RNF220: variants seen among roughly 807,000 people sequenced by gnomAD.
RNF220 encodes the protein E3 ubiquitin-protein ligase RNF220.
Under a neutral mutation model 67.1 loss-of-function variants are expected in RNF220, and 7 were observed. That is an observed-to-expected ratio of 0.10 (90% CI 0.06 to 0.20). RNF220 has a LOEUF of 0.20. Ranked by LOEUF, RNF220 falls within the 10% of genes least tolerant of loss-of-function variation. The probability of loss-of-function intolerance (pLI) is 1.00; values close to 1 mark genes in which losing one functional copy is unlikely to be tolerated. For missense variants in RNF220, 565 were observed against 740.3 expected, an observed-to-expected ratio of 0.76 and a Z score of 2.75; for synonymous variants, 270 against 283.2, an observed-to-expected ratio of 0.95 and a Z score of 0.47.
At chr1:44,427,812 A>G (rs770798139) in intron 2 of RNF220, among the ~76,000 whole-genome samples, 4 of 152,250 alleles carry the variant, frequency 2.6e-5, no homozygotes, top group Non-Finnish European at 5.9e-5. Context: ...TCCTAGGAAC[A>G]GTGCCTCGCA....
intron 2 of RNF220, among the ~76,000 whole-genome samples, chr1:44,588,428 C>T (rs369496558): frequency 3.7e-4 from 56 of 152,324 alleles, no homozygotes; most frequent in East Asian, 3.7e-3. Flanking sequence ...TAGCCCAGCA[C>T]GCTCAGCCTG....
intron 2 of RNF220, among the ~76,000 whole-genome samples, chr1:44,507,639 G>C (rs1658553100): frequency 6.6e-6 from 1 of 152,074 alleles, no homozygotes; most frequent in Non-Finnish European, 1.5e-5. Context: ...GAGTGGCGTG[G>C]GGGTTGATAC....
intron 4 of RNF220, among the ~76,000 whole-genome samples, chr1:44,623,672 G>A (rs1643871928): frequency 6.6e-6 from 1 of 152,228 alleles, no homozygotes; most frequent in South Asian, 2.1e-4. Flanking sequence ...CAGTGAAGGA[G>A]AGTGTTTGGA....
intron 2 of RNF220, among the ~76,000 whole-genome samples, chr1:44,598,347 G>C (rs887039641): frequency 6.6e-6 from 1 of 152,224 alleles, no homozygotes; most frequent in African/African-American, 2.4e-5. Flanking sequence ...AATGCGGTAA[G>C]TGACAATAGC....
intron 2 of RNF220, among the ~76,000 whole-genome samples, chr1:44,421,197 C>T (rs775124267): frequency 6.6e-6 from 1 of 152,070 alleles, no homozygotes; most frequent in Non-Finnish European, 1.5e-5. Context: ...GGATTTGACT[C>T]GGGTTGGATA....
At chr1:44,420,591 C>T (rs1395387502) in intron 2 of RNF220, among the ~76,000 whole-genome samples, 2 of 152,136 alleles carry the variant, frequency 1.3e-5, no homozygotes, top group East Asian at 3.8e-4. Context: ...CTGTATTTGC[C>T]CCCTTTGAGC....
intron 2 of RNF220, among the ~76,000 whole-genome samples, chr1:44,539,113 C>T (rs1477989964): frequency 6.6e-6 from 1 of 151,912 alleles, no homozygotes. Context: ...CCCAACTATT[C>T]AGGAGGCTGA....
chr1:44,507,678 G>A (rs903946401), intron 2 of RNF220, among the ~76,000 whole-genome samples: 3 of 152,186 alleles, frequency 2.0e-5, no homozygotes, highest in Admixed American at 6.5e-5. Flanking sequence ...GACGCAGAGG[G>A]GGGTACGGAA....
intron 2 of RNF220, among the ~76,000 whole-genome samples, chr1:44,503,050 A>G (rs958977844): frequency 6.6e-6 from 1 of 152,040 alleles, no homozygotes; most frequent in Admixed American, 6.6e-5. Context: ...GTGTTTACCA[A>G]GGGCCAGGCG....
At chr1:44,639,892 A>G (rs1243589035) in intron 8 of RNF220, among the ~76,000 whole-genome samples, 1 of 152,036 alleles carries the variant, frequency 6.6e-6, no homozygotes, top group African/African-American at 2.4e-5. Context: ...TGGGTTCGAG[A>G]GATTCTCCTG....
In RNF220 at chr1:44,417,933, C is replaced by G. The variant is rs1011606544; in HGVS notation, c.625+5211C>G. ...GCACTTGGAGGCCGCAGGAGGACTC[C>G]GCGCGCCGCCTCGAGGGCCGGGAGC... is the stretch of plus-strand genomic sequence containing the variant. On this transcript the variant is annotated intron_variant, in intron 2 of 14. Coordinates refer to ENST00000361799, the MANE Select transcript of RNF220 (RefSeq NM_018150.4). The surrounding 1 kb of genome is among the most constrained non-coding windows in gnomAD (Gnocchi z 4.0). Among the ~76,000 whole-genome samples the G allele has an allele frequency of 6.6e-6, 1 of 151,904 alleles. No homozygotes were observed.
At chr1:44,552,011 C>A (rs971229969) in intron 2 of RNF220, among the ~76,000 whole-genome samples, 1 of 152,214 alleles carries the variant, frequency 6.6e-6, no homozygotes, top group Admixed American at 6.5e-5. Context: ...CCAGTGGAAG[C>A]CATTGCCCCT....
rs1557996558 is a variant in RNF220, at chr1:44,509,884, C to CAAAAAAAAAAAAA, written c.625+97162_625+97163insAAAAAAAAAAAAA. Among the ~76,000 whole-genome samples the CAAAAAAAAAAAAA allele has an allele frequency of 6.2e-5, 5 of 80,406 alleles. 2 individuals are homozygous for CAAAAAAAAAAAAA. The highest frequency in any genetic ancestry group is 9.4e-5 in the African/African-American group (2 of 21,262). 52.7% of individuals were successfully genotyped at this position (80,406 alleles called of 152,430 possible). A position where few individuals can be genotyped will look rare whatever the true frequency, so the allele number is the denominator to read the frequency against. On this transcript the variant is annotated intron_variant, in intron 2 of 14. Coordinates refer to ENST00000361799, the MANE Select transcript of RNF220 (RefSeq NM_018150.4). The stretch of plus-strand genomic sequence containing the variant: ...CCTGGGTGACAGAGCGAGACCCTGT[C>CAAAAAAAAAAAAA]CAAAAAAAAAAAAAAAAAAAAAGGA...
intron 2 of RNF220, among the ~76,000 whole-genome samples, chr1:44,563,495 T>G (rs753051689): frequency 6.6e-6 from 1 of 152,200 alleles, no homozygotes; most frequent in Non-Finnish European, 1.5e-5. Flanking sequence ...GGAGAGCTGC[T>G]GCATTTGCCG....
chr1:44,563,068 GGGAACCCAGAGGGGGAT>G, intron 2 of RNF220, among the ~76,000 whole-genome samples: 1 of 152,220 alleles, frequency 6.6e-6, no homozygotes, highest in East Asian at 1.9e-4. Flanking sequence ...GTGCTTTGGT[GGGAACCCAGAGGGGGAT>G]GCACTTATGA....
Position 44,593,003 on chromosome 1 carries a change from G to C in RNF220, c.626-21162G>C, listed in dbSNP as rs143347423. 2.6e-5 allele frequency among the ~76,000 whole-genome samples: 4 copies of C among 152,236 alleles called. No individual in the cohort carries two copies. The East Asian group carries it at 7.7e-4, about 29-fold the overall frequency. ...AGGAGAGAGGAAGGAGTTTTTGATG[G>C]GGGGGATGGGCCCAGAGCTGCCATG... On this transcript the variant is annotated intron_variant, in intron 2 of 14. Coordinates refer to ENST00000361799, the MANE Select transcript of RNF220 (RefSeq NM_018150.4).
At chr1:44,596,227 G>A (rs922257826) in intron 2 of RNF220, among the ~76,000 whole-genome samples, 3 of 152,212 alleles carry the variant, frequency 2.0e-5, no homozygotes, top group Admixed American at 6.5e-5. Flanking sequence ...AGAATTCTAA[G>A]TCAAAAGGGG....
intron 2 of RNF220, among the ~76,000 whole-genome samples, chr1:44,543,331 G>A (rs1232511984): frequency 6.6e-6 from 1 of 152,196 alleles, no homozygotes; most frequent in African/African-American, 2.4e-5. Flanking sequence ...GCTGGGGGGA[G>A]GGGAGGGGGT....
At chr1:44,597,965 CCTCTCTCTCT>C (rs370031040) in intron 2 of RNF220, among the ~76,000 whole-genome samples, 1 of 141,470 alleles carries the variant, frequency 7.1e-6, no homozygotes, top group Non-Finnish European at 1.5e-5. Flanking sequence ...ACCCCACCCA[CCTCTCTCTCT>C]CTCTCTCTCT....
Sources: allele counts gnomAD v4.1 joint callset (sites outside exome capture counted in the v4.1 genomes callset), GRCh38; gene constraint gnomAD v4.1.1; non-coding constraint Gnocchi (gnomAD v3.1); transcripts MANE v1.5; gene names NCBI Gene and HGNC (gene_info 2026-07-23, HGNC 2026-07-21).